Variants in ABCD3 observed in about 807,000 individuals in gnomAD.
ABCD3 encodes ATP binding cassette subfamily D member 3, also known as ATP-binding cassette sub-family D member 3.
A neutral mutation model predicts 105.5 loss-of-function variants in ABCD3; 41 were observed. The observed-to-expected ratio is 0.39, with a 90% CI of 0.30 to 0.50. ABCD3 has a LOEUF of 0.50. Among genes scored for constraint, ABCD3 ranks in the 20% least tolerant of loss-of-function variants. ABCD3 has a pLI of 0.84. For missense variants in ABCD3, 622 were observed against 806.3 expected (o/e 0.77, Z 2.77); for synonymous variants, 258 against 269.0 (o/e 0.96, Z 0.40).
At chr1:94,438,070 C>T (rs149914275) in intron 1 of ABCD3, among the ~76,000 whole-genome samples, 6,803 of 151,996 alleles carry the variant, frequency 0.045, 251 homozygotes, top group Non-Finnish European at 0.068. Context: ...GGGCAGATCA[C>T]GAGGTCAGGA....
At chr1:94,403,193 G>A in the ABCD3 span, among the ~76,000 whole-genome samples, 37 of 151,810 alleles carry the variant, frequency 2.4e-4, no homozygotes, top group African/African-American at 8.2e-4. Flanking sequence ...AATGATCCTC[G>A]TCTTAGGTTG....
In ABCD3 at chr1:94,423,819, C is replaced by T. The variant is rs1346117731; in HGVS notation, c.110+5231C>T. Among the ~76,000 whole-genome samples the T allele has an allele frequency of 3.3e-5, 5 of 152,090 alleles. No homozygotes were observed. The South Asian group carries it at 8.3e-4, about 25-fold the overall frequency. ...CTCCAGCTTCTTACTCCCTGCACTA[C>T]GTTACTGCTAACCCCTCTACAACTT... On this transcript the variant is annotated intron_variant, in intron 1 of 22. Coordinates refer to ENST00000370214, the MANE Select transcript of ABCD3 (RefSeq NM_002858.4).
At chr1:94,473,668 A>G (rs1030885201) in intron 4 of ABCD3, 98 bp from the exon 5 acceptor site, 1 of 970,354 alleles carries the variant, frequency 1.0e-6, no homozygotes. Context: ...TTGATTTAAT[A>G]GAAGTTTCCA....
intron 1 of ABCD3, among the ~76,000 whole-genome samples, chr1:94,425,360 A>G (rs898450132): frequency 2.0e-5 from 3 of 152,200 alleles, no homozygotes; most frequent in African/African-American, 7.2e-5. Context: ...TTCCCTGTAC[A>G]TGACCTTCAT....
chr1:94,477,191 T>G (rs17100426), intron 7 of ABCD3, among the ~76,000 whole-genome samples: 2,379 of 147,048 alleles, frequency 0.016, 77 homozygotes, highest in African/African-American at 0.058. Context: ...TTCTTGAATT[T>G]TATAAGTATC....
Position 94,499,006 on chromosome 1 carries a change from A to C in ABCD3, c.1592A>C (p.Asp531Ala), listed in dbSNP as rs1262867467. 6.2e-7 allele frequency: 1 copy of C among 1,613,978 alleles called. No individual in the cohort carries two copies. Among genetic ancestry groups the C allele is most frequent in the Admixed American group, 1.7e-5 (1 of 59,996 alleles). The change falls in exon 19 of 23, where the codon GAT becomes GCT. Residue 531 changes from aspartate (D) to alanine (A), a missense_variant. Physicochemically the swap from Asp to Ala is moderately radical, Grantham distance 126 (BLOSUM62 -2). Coordinates refer to ENST00000370214, the MANE Select transcript of ABCD3 (RefSeq NM_002858.4). Reference sequence around the variant, plus strand: ...GTGATATATCCAGATGGACGAGAAGATCAGAAAAGGAAGGGAATTTCTGAC... The same window carrying C: ...GTGATATATCCAGATGGACGAGAAGCTCAGAAAAGGAAGGGAATTTCTGAC... Reference protein sequence around the residue: ...DQVIYPDGREDQKRKGISDLV... With the variant: ...DQVIYPDGREAQKRKGISDLV...
chr1:94,445,635 C>T (rs932917843), intron 1 of ABCD3, among the ~76,000 whole-genome samples: 2 of 152,160 alleles, frequency 1.3e-5, no homozygotes, highest in African/African-American at 4.8e-5. Context: ...TGGCCTGACC[C>T]TCCAGATCTT....
chr1:94,449,589 C>T (rs765910072), intron 1 of ABCD3, among the ~76,000 whole-genome samples: 6 of 152,124 alleles, frequency 3.9e-5, no homozygotes, highest in Non-Finnish European at 7.4e-5. Flanking sequence ...AGGCATACCG[C>T]CCTCAAAAAG....
the ABCD3 span, among the ~76,000 whole-genome samples, chr1:94,401,603 G>T: frequency 6.6e-6 from 1 of 152,160 alleles, no homozygotes; most frequent in South Asian, 2.1e-4. Flanking sequence ...GTCTTCTTAA[G>T]ATAAGTTATT....
At chr1:94,398,672 G>T in the ABCD3 span, among the ~76,000 whole-genome samples, 1 of 152,156 alleles carries the variant, frequency 6.6e-6, no homozygotes, top group African/African-American at 2.4e-5. Flanking sequence ...CCATCACTTT[G>T]GGAGGCCAAG....
chr1:94,402,472 T>G, the ABCD3 span, among the ~76,000 whole-genome samples: 29 of 152,330 alleles, frequency 1.9e-4, no homozygotes, highest in Non-Finnish European at 3.8e-4. Flanking sequence ...ATTTGAAGGC[T>G]CTTTACTCCT....
At chr1:94,511,610 C>T (rs1033165491) in intron 21 of ABCD3, among the ~76,000 whole-genome samples, 1 of 152,094 alleles carries the variant, frequency 6.6e-6, no homozygotes, top group Non-Finnish European at 1.5e-5. Context: ...TCCATTCTCC[C>T]CGTCACTTTC....
In ABCD3 at chr1:94,422,493, T is replaced by C. The variant is rs112668460; in HGVS notation, c.110+3905T>C. ...AAACTGGTCCCTGGTGCCAAAAAGG[T>C]TGGAGACTACTGCTCTAGGTATCCC... On this transcript the variant is annotated intron_variant, in intron 1 of 22. Coordinates refer to ENST00000370214, the MANE Select transcript of ABCD3 (RefSeq NM_002858.4). 9.3e-3 allele frequency among the ~76,000 whole-genome samples: 1,418 copies of C among 152,316 alleles called. 27 individuals are homozygous for C. The highest frequency in any genetic ancestry group is 0.033 in the African/African-American group (1,371 of 41,560).
intron 8 of ABCD3, among the ~76,000 whole-genome samples, chr1:94,479,222 T>G (rs894872822): frequency 3.3e-5 from 5 of 152,176 alleles, no homozygotes; most frequent in Non-Finnish European, 5.9e-5. Context: ...GTATTTTGTT[T>G]TACTATAACC....
chr1:94,517,682 T>A lies in ABCD3; in HGVS notation c.*553T>A, dbSNP rs1379096160. 6.3e-6 allele frequency: 1 copy of A among 159,580 alleles called. No homozygotes were observed. Among genetic ancestry groups the A allele is most frequent in the Non-Finnish European group, 1.4e-5 (1 of 72,354 alleles). 9.9% of individuals were successfully genotyped at this position (159,580 alleles called of 1,614,324 possible). On this transcript the variant is annotated 3_prime_UTR_variant, in exon 23 of 23. Transcript: ENST00000370214. ...TAGCTGCCACAGTAATACTCATTCC[T>A]TGTGTGTGTCTTGGAGTGCATTTGA...
At chr1:94,437,652 A>G (rs990097544) in intron 1 of ABCD3, among the ~76,000 whole-genome samples, 5 of 152,214 alleles carry the variant, frequency 3.3e-5, no homozygotes, top group African/African-American at 1.2e-4. Flanking sequence ...CAGCCCATGG[A>G]TTAAGGAGTA....
At chr1:94,469,867 G>A (rs547732761) in intron 4 of ABCD3, among the ~76,000 whole-genome samples, 3 of 151,884 alleles carry the variant, frequency 2.0e-5, no homozygotes, top group Admixed American at 1.3e-4. Context: ...GGGTTTCACA[G>A]TGTTAGCCTG....
chr1:94,459,258 C>T (rs749235553), intron 2 of ABCD3, among the ~76,000 whole-genome samples: 81 of 151,992 alleles, frequency 5.3e-4, no homozygotes, highest in African/African-American at 1.7e-3. Flanking sequence ...TTGTATCTTA[C>T]GAGTCTTTCT....
At chr1:94,401,131 T>C in the ABCD3 span, among the ~76,000 whole-genome samples, 16 of 152,332 alleles carry the variant, frequency 1.1e-4, no homozygotes, top group South Asian at 3.1e-3. Flanking sequence ...ATAAATTATG[T>C]TTCTTATAAT....
Sources: allele counts gnomAD v4.1 joint callset (sites outside exome capture counted in the v4.1 genomes callset), GRCh38; gene constraint gnomAD v4.1.1; transcripts MANE v1.5; gene names NCBI Gene and HGNC (gene_info 2026-07-23, HGNC 2026-07-21).